Variants in SYT2 observed in about 807,000 individuals in gnomAD.
The protein encoded by SYT2 is synaptotagmin 2, also known as synaptotagmin-2.
SYT2 carries 15 observed loss-of-function variants against 39.9 expected under a neutral mutation model. That is an observed-to-expected ratio of 0.38 (90% CI 0.25 to 0.58). The LOEUF (loss-of-function observed/expected upper bound fraction) is 0.58, where lower values mean the gene tolerates loss of function less well. Among genes scored for constraint, SYT2 ranks in the 20% least tolerant of loss-of-function variants. The pLI is 0.70. For missense variants in SYT2, 389 were observed against 530.3 expected (o/e 0.73, Z 2.62); for synonymous variants, 181 against 204.5 (o/e 0.89, Z 0.98).
rs1416478033 is a variant in SYT2, at chr1:202,628,412, G to T, written c.-17-22623C>A. Among the ~76,000 whole-genome samples the T allele has an allele frequency of 2.0e-5, 3 of 152,124 alleles. No individual in the cohort carries two copies. Among genetic ancestry groups the T allele is most frequent in the African/African-American group, 7.2e-5 (3 of 41,416 alleles). ...AGGCAGGGAGCCAGCCAAAGAAGGT[G>T]CAGTCTGGTCCTCCCGTTTCCAAGA... is the stretch of plus-strand genomic sequence containing the variant. On this transcript the variant is annotated intron_variant, in intron 1 of 8. Transcript: ENST00000367268. This position sits in a 1 kb window ranked among gnomAD's most constrained non-coding sequence, Gnocchi z 4.2.
chr1:202,666,425 C>T (rs1477524572), intron 1 of SYT2, among the ~76,000 whole-genome samples: 1 of 152,110 alleles, frequency 6.6e-6, no homozygotes, highest in Non-Finnish European at 1.5e-5. Flanking sequence ...ATGCGGAGGG[C>T]CCAGGATTTT....
At position 202,604,486 on chromosome 1, in the gene SYT2, G is replaced by T. The variant is rs1218080073; in HGVS notation, c.314C>A (p.Ala105Asp). The part of the protein sequence containing the change: ...KKEKGKGMKN[A>D]MNMKDMKGGQ... Reference sequence around the variant, plus strand: ...CCCTTTCATGTCCTTCATGTTCATGGCATTCTTCATGCCTTTGCCCTTCTC... The same window carrying T: ...CCCTTTCATGTCCTTCATGTTCATGTCATTCTTCATGCCTTTGCCCTTCTC... Residue 105 changes from alanine (A) to aspartate (D), a missense_variant, in exon 3 of 9, where the codon GCC (alanine) becomes GAC (aspartate). Coordinates refer to ENST00000367268, the MANE Select transcript of SYT2 (RefSeq NM_177402.5). The T allele has an allele frequency of 1.2e-6, 2 of 1,614,156 alleles. No individual in the cohort carries two copies. The highest frequency in any genetic ancestry group is 1.7e-6 in the Non-Finnish European group (2 of 1,180,020).
intron 8 of SYT2, among the ~76,000 whole-genome samples, chr1:202,598,726 A>T (rs1026439219): frequency 2.0e-5 from 3 of 152,224 alleles, no homozygotes; most frequent in African/African-American, 7.2e-5. Flanking sequence ...CATTTACAGA[A>T]CTTGCTGGTG....
At chr1:202,606,145 AAC>A (rs1334471222) in intron 1 of SYT2, among the ~76,000 whole-genome samples, 1 of 152,150 alleles carries the variant, frequency 6.6e-6, no homozygotes, top group African/African-American at 2.4e-5. Flanking sequence ...CACTGTGCAA[AAC>A]ACTTTCCATG....
intron 1 of SYT2, among the ~76,000 whole-genome samples, chr1:202,609,203 G>A (rs1690807898): frequency 6.6e-6 from 1 of 151,800 alleles, no homozygotes; most frequent in Non-Finnish European, 1.5e-5. Context: ...CAAAGGACAT[G>A]AACTCATCAT....
At chr1:202,648,025 T>C (rs1692122441) in intron 1 of SYT2, among the ~76,000 whole-genome samples, 1 of 152,166 alleles carries the variant, frequency 6.6e-6, no homozygotes, top group Admixed American at 6.5e-5. Context: ...CTGTGTGACC[T>C]TGGTCAAGGC....
chr1:202,596,786 C>T lies in SYT2; in HGVS notation c.1231G>A (p.Val411Met). The change falls in exon 9 of 9, where the codon GTG (valine) becomes ATG (methionine). Residue 411 changes from valine (V) to methionine (M), a missense_variant. Physicochemically the swap from Val to Met is conservative, Grantham distance 21. Coordinates refer to ENST00000367268, the MANE Select transcript of SYT2 (RefSeq NM_177402.5). ...QWHSLKPEEEVDALLGKNK is the reference protein window; with the variant it reads ...QWHSLKPEEEMDALLGKNK ...TTGTTCTTGCCCAGGAGTGCATCCA[C>T]CTCCTCCTCAGGCTTGAGCGAGTGC... 1 of 1,614,110 alleles carries T rather than the reference C, an allele frequency of 6.2e-7. No individual in the cohort carries two copies. Among genetic ancestry groups the T allele is most frequent in the Non-Finnish European group, 8.5e-7 (1 of 1,179,964 alleles).
At chr1:202,670,634 C>T (rs1044503426) in intron 1 of SYT2, among the ~76,000 whole-genome samples, 1 of 152,214 alleles carries the variant, frequency 6.6e-6, no homozygotes, top group South Asian at 2.1e-4. Context: ...GTGAGCATAA[C>T]ATGGCCATGA....
intron 1 of SYT2, among the ~76,000 whole-genome samples, chr1:202,620,466 CT>C (rs61586557): frequency 0.057 from 8,440 of 147,860 alleles, 330 homozygotes; most frequent in South Asian, 0.22. Flanking sequence ...TTATCTTATC[CT>C]TTTTTTTTTT....
At chr1:202,650,941 G>A (rs998739200) in intron 1 of SYT2, among the ~76,000 whole-genome samples, 17 of 152,108 alleles carry the variant, frequency 1.1e-4, no homozygotes, top group Admixed American at 3.3e-4. Flanking sequence ...GAAGGAGGAC[G>A]CTGGGCATGC....
intron 1 of SYT2, among the ~76,000 whole-genome samples, chr1:202,706,346 C>T (rs1251570981): frequency 6.6e-6 from 1 of 151,986 alleles, no homozygotes; most frequent in Non-Finnish European, 1.5e-5. Flanking sequence ...GTGCTCCCTG[C>T]AGCTGGAGAA....
chr1:202,662,590 A>T (rs528338920), intron 1 of SYT2, among the ~76,000 whole-genome samples: 2 of 152,158 alleles, frequency 1.3e-5, no homozygotes, highest in African/African-American at 4.8e-5. Flanking sequence ...GGGTGGAAAG[A>T]CCCTATGTAC....
At chr1:202,685,588 C>A (rs1432297046) in intron 1 of SYT2, among the ~76,000 whole-genome samples, 1 of 152,144 alleles carries the variant, frequency 6.6e-6, no homozygotes, top group Non-Finnish European at 1.5e-5. Context: ...CCCCACCTCA[C>A]CACATGAAGG....
chr1:202,644,202 G>C (rs1166741447), intron 1 of SYT2, among the ~76,000 whole-genome samples: 2 of 152,098 alleles, frequency 1.3e-5, no homozygotes, highest in African/African-American at 4.8e-5. Context: ...AGGGGAGAAA[G>C]GGCGATGGAG....
chr1:202,626,421 T>A (rs1691414243), intron 1 of SYT2, among the ~76,000 whole-genome samples: 1 of 144,548 alleles, frequency 6.9e-6, no homozygotes, highest in African/African-American at 2.6e-5. Context: ...TTTTTTTTTT[T>A]TTTTTGAGAC....
rs1189436103 is a variant in SYT2 at position 202,599,355 on chromosome 1, C to T, written c.920-4G>A. 21 of 1,586,138 alleles carry T rather than the reference C, an allele frequency of 1.3e-5. No homozygotes were observed. Among genetic ancestry groups the T allele is most frequent in the African/African-American group, 6.9e-5 (5 of 72,680 alleles). On this transcript the variant is annotated splice_polypyrimidine_tract_variant and splice_region_variant and intron_variant, in intron 7 of 8. Transcript: ENST00000367268. The surrounding 1 kb of genome is among the most constrained non-coding windows in gnomAD (Gnocchi z 4.4). Reference sequence around the variant, plus strand: ...AGGTGGATCTTCACGTACGGGTCTGCGGAGGGAGAATCCCAACCCCAGAGA... The same window carrying T: ...AGGTGGATCTTCACGTACGGGTCTGTGGAGGGAGAATCCCAACCCCAGAGA...
In SYT2 at chr1:202,620,148, G is replaced by A. The variant is rs182729918; in HGVS notation, c.-17-14359C>T. Among the ~76,000 whole-genome samples the A allele has an allele frequency of 2.8e-3, 423 of 152,350 alleles. 7 individuals carry two copies. The highest frequency in any genetic ancestry group is 1.4e-3 in the Non-Finnish European group (97 of 68,042). On this transcript the variant is annotated intron_variant, in intron 1 of 8. Transcript: ENST00000367268. The stretch of plus-strand genomic sequence containing the variant: ...AACAAGGTCACTAAACAGAATCCAC[G>A]CAGGAATTCCCTTCTCTCCCTGGTC...
intron 1 of SYT2, chr1:202,639,379 G>T (rs981433057): frequency 9.4e-6 from 3 of 319,748 alleles, no homozygotes; most frequent in Admixed American, 1.3e-4. Context: ...GAAGGAAAGA[G>T]CGTTGGATTG....
chr1:202,595,403 C>T lies in SYT2; in HGVS notation c.*1354G>A, dbSNP rs933515107. On this transcript the variant is annotated 3_prime_UTR_variant, in exon 9 of 9. Coordinates refer to ENST00000367268, the MANE Select transcript of SYT2 (RefSeq NM_177402.5). The stretch of plus-strand genomic sequence containing the variant: ...AAGCCCCCTAATGGTAGGACGGGTC[C>T]TTCCCATAGGTCTCCCTGGGCCACT... 2.1e-4 allele frequency: 32 copies of T among 152,206 alleles called. No individual in the cohort carries two copies. Among genetic ancestry groups the T allele is most frequent in the African/African-American group, 7.5e-4 (31 of 41,444 alleles). The allele number at this position is 152,206 out of a possible 1,614,324, so 9.4% of individuals were successfully genotyped here. A position where few individuals can be genotyped will look rare whatever the true frequency, so the allele number is the denominator to read the frequency against.
Sources: gnomAD v4.1 joint callset for allele counts (sites outside exome capture counted in the v4.1 genomes callset) on GRCh38, gnomAD v4.1.1 for gene constraint, Gnocchi (gnomAD v3.1) non-coding constraint, MANE v1.5 for transcripts, NCBI Gene and HGNC (gene_info 2026-07-23, HGNC 2026-07-21) for gene names.